Variants in ACOT6 observed in about 807,000 individuals in gnomAD.
The protein encoded by ACOT6 is acyl-coenzyme A thioesterase 6.
ACOT6 carries 14 observed loss-of-function variants against 12.3 expected under a neutral mutation model. That is an observed-to-expected ratio of 1.14 (90% CI 0.75 to 1.78). The LOEUF (loss-of-function observed/expected upper bound fraction) is 1.78, where lower values mean the gene tolerates loss of function less well. Ranked by LOEUF, ACOT6 falls within the 40% of genes most tolerant of loss-of-function variation. The probability of loss-of-function intolerance (pLI) is 0.00; values close to 1 mark genes in which losing one functional copy is unlikely to be tolerated. For missense variants in ACOT6, 523 were observed against 551.8 expected (o/e 0.95, Z 0.52); for synonymous variants, 218 against 231.3 (o/e 0.94, Z 0.52).
At chr14:73,615,807 T>C (rs1034593513) in intron 1 of ACOT6, among the ~76,000 whole-genome samples, 1 of 151,992 alleles carries the variant, frequency 6.6e-6, no homozygotes, top group African/African-American at 2.4e-5. Context: ...ATCCCAGCAC[T>C]TGAAGAGGCC....
In ACOT6 at chr14:73,612,856, G is replaced by T; in HGVS notation, c.285G>T (p.Lys95Asn). 7.1e-7 allele frequency: 1 copy of T among 1,410,300 alleles called. No individual in the cohort carries two copies. 87.4% of individuals were successfully genotyped at this position (1,410,300 alleles called of 1,614,324 possible). A position where few individuals can be genotyped will look rare whatever the true frequency, so the allele number is the denominator to read the frequency against. ...AGAAAGCCTTGGTGCGGCTGGTGAA[G>T]CGCGACGTGCGGACGCCCTTCGCCG... ...EPEKALVRLV[K>N]RDVRTPFAVE... Residue 95 changes from lysine (K) to asparagine (N), a missense_variant, in exon 1 of 3, where the codon AAG becomes AAT. Around this residue, in one of 2 missense-constraint regions of ACOT6, gnomAD observed 304 missense variants for 274.8 expected, o/e 1.11. Transcript: ENST00000645972.
intron 2 of ACOT6, 142 bp downstream of exon 2, chr14:73,617,334 G>C (rs1480320819): frequency 1.4e-5 from 16 of 1,181,288 alleles, no homozygotes; most frequent in Non-Finnish European, 1.7e-5. Context: ...TAGGGTGGAA[G>C]CTGGGCATGG....
chr14:73,612,834 A>G lies in ACOT6; in HGVS notation c.263A>G (p.Lys88Arg), dbSNP rs1345583330. The G allele has an allele frequency of 2.1e-6, 3 of 1,425,546 alleles. No homozygotes were observed. The highest frequency in any genetic ancestry group is 2.5e-5 in the Admixed American group (1 of 40,694). 88.3% of individuals were successfully genotyped at this position (1,425,546 alleles called of 1,614,324 possible). The change falls in exon 1 of 3, where the codon AAA (lysine) becomes AGA (arginine). Residue 88 changes from lysine (K) to arginine (R), a missense_variant. Lys to Arg is a conservative substitution (Grantham distance 26, BLOSUM62 2). Transcript: ENST00000645972. Reference sequence around the variant, plus strand: ...CTGCTGTGGGCGTTGGAGCCCGAGAAAGCCTTGGTGCGGCTGGTGAAGCGC... The same window carrying G: ...CTGCTGTGGGCGTTGGAGCCCGAGAGAGCCTTGGTGCGGCTGGTGAAGCGC... ...MGLLWALEPE[K>R]ALVRLVKRDV...
At chr14:73,617,805 G>A (rs1426443850) in intron 2 of ACOT6, among the ~76,000 whole-genome samples, 1 of 152,128 alleles carries the variant, frequency 6.6e-6, no homozygotes, top group African/African-American at 2.4e-5. Flanking sequence ...TGGTATTATG[G>A]TTTTGTAAAG....
chr14:73,611,786 G>A (rs556787910), upstream of ACOT6, among the ~76,000 whole-genome samples: 1 of 152,202 alleles, frequency 6.6e-6, no homozygotes, highest in East Asian at 1.9e-4. Flanking sequence ...ACCAGAACTC[G>A]GCTAGGTCTG....
upstream of ACOT6, chr14:73,611,438 G>C (rs1566869534): frequency 6.6e-6 from 1 of 152,192 alleles, no homozygotes; most frequent in Non-Finnish European, 1.5e-5. Context: ...ACCGAATCTT[G>C]TTTCATTGTT....
At position 73,612,800 on chromosome 14, in the gene ACOT6, CCCATGGGGCTGCTGT is replaced by C; in HGVS notation, c.230_244del (p.Pro77_Trp82delinsArg). ...GGGAGGCAGCTTCGCGGGGCTCCAG[CCCATGGGGCTGCTGT>C]GGGCGTTGGAGCCCGAGAAAGCCTT... On this transcript the variant is annotated inframe_deletion, in exon 1 of 3. Transcript: ENST00000645972. 1 of 1,396,490 alleles carries C rather than the reference CCCATGGGGCTGCTGT, an allele frequency of 7.2e-7. No individual in the cohort carries two copies. The highest frequency in any genetic ancestry group is 9.3e-7 in the Non-Finnish European group (1 of 1,071,908). 86.5% of individuals were successfully genotyped at this position (1,396,490 alleles called of 1,614,324 possible). A position where few individuals can be genotyped will look rare whatever the true frequency, so the allele number is the denominator to read the frequency against.
intron 1 of ACOT6, among the ~76,000 whole-genome samples, chr14:73,613,244 C>T (rs1360746112): frequency 6.6e-6 from 1 of 152,168 alleles, no homozygotes; most frequent in East Asian, 1.9e-4. Context: ...GGCTCAAGTC[C>T]TCTCGCCTCA....
intron 1 of ACOT6, among the ~76,000 whole-genome samples, chr14:73,615,274 C>T (rs1890514777): frequency 6.8e-6 from 1 of 146,674 alleles, no homozygotes; most frequent in Non-Finnish European, 1.5e-5. Flanking sequence ...GTAATCCCAG[C>T]TACTCAGGAG....
At chr14:73,616,718 T>A in intron 1 of ACOT6, 1 of 273,546 alleles carries the variant, frequency 3.7e-6, no homozygotes, top group Non-Finnish European at 6.7e-6. Context: ...TTAATTTCAA[T>A]ACCTTTTGGT....
rs1233692958 is a variant in ACOT6 at position 73,617,077 on chromosome 14, GT to G, written c.549del (p.Phe183LeufsTer18). ...AGGGCCAGCCTCCTGGCCGGACATG[GT>G]TTTGCTGTGCTTGCCCTGGCTTATT... Reference protein sequence around the residue: ...EYRASLLAGHGFAVLALAYFR... With the variant: ...EYRASLLAGHXFAVLALAYFR... On this transcript the variant is annotated frameshift_variant, in exon 2 of 3. Coordinates refer to ENST00000645972, the MANE Select transcript of ACOT6 (RefSeq NM_001365788.1). LOFTEE classifies it high-confidence loss of function. 6.4e-5 allele frequency: 95 copies of G among 1,486,686 alleles called. No individual in the cohort carries two copies. Among genetic ancestry groups the G allele is most frequent in the Admixed American group, 8.4e-5 (5 of 59,762 alleles). The allele number at this position is 1,486,686 out of a possible 1,614,324, so 92.1% of individuals were successfully genotyped here.
rs1488930891 is a variant in ACOT6 at position 73,612,806 on chromosome 14, G to T, written c.235G>T (p.Gly79Trp). ...CAGCTTCGCGGGGCTCCAGCCCATG[G>T]GGCTGCTGTGGGCGTTGGAGCCCGA... ...GGSFAGLQPM[G>W]LLWALEPEKA... The change falls in exon 1 of 3, where the codon GGG becomes TGG. Residue 79 changes from glycine (G) to tryptophan (W), a missense_variant. By Grantham distance (184) the Gly-to-Trp change is radical. Coordinates refer to ENST00000645972, the MANE Select transcript of ACOT6 (RefSeq NM_001365788.1). The T allele has an allele frequency of 2.5e-5, 35 of 1,415,664 alleles. No homozygotes were observed. The highest frequency in any genetic ancestry group is 3.2e-5 in the Non-Finnish European group (34 of 1,076,102). The allele number at this position is 1,415,664 out of a possible 1,614,324, so 87.7% of individuals were successfully genotyped here.
chr14:73,615,388 T>TTAAA (rs1890516868), intron 1 of ACOT6, among the ~76,000 whole-genome samples: 1 of 63,338 alleles, frequency 1.6e-5, no homozygotes, highest in African/African-American at 1.0e-4. Context: ...CTCTGTCTGA[T>TTAAA]AAAAAAAAAA....
At chr14:73,615,025 G>A (rs891333909) in intron 1 of ACOT6, among the ~76,000 whole-genome samples, 7 of 148,206 alleles carry the variant, frequency 4.7e-5, no homozygotes, top group African/African-American at 1.3e-4. Flanking sequence ...GGGGGCAGAG[G>A]TTGCAGTGAG....
Position 73,612,659 on chromosome 14 carries a change from C to T in ACOT6, c.88C>T (p.Gln30Ter), listed in dbSNP as rs1890465822. 7.1e-7 allele frequency: 1 copy of T among 1,410,610 alleles called. No homozygotes were observed. The highest frequency in any genetic ancestry group is 1.5e-5 in the African/African-American group (1 of 66,786). The allele number at this position is 1,410,610 out of a possible 1,614,324, so 87.4% of individuals were successfully genotyped here. A position where few individuals can be genotyped will look rare whatever the true frequency, so the allele number is the denominator to read the frequency against. ...RIAVRGLAPE[Q>*]PVTLRTSLRD... ...CGCAGTGCGCGGCCTGGCCCCGGAG[C>T]AGCCAGTCACGCTGCGCACGTCCCT... The change falls in exon 1 of 3, where the codon CAG (glutamine) becomes TAG (stop). Residue 30 changes from glutamine to a stop codon, truncating the protein, a stop_gained. Coordinates refer to ENST00000645972, the MANE Select transcript of ACOT6 (RefSeq NM_001365788.1). LOFTEE classifies it high-confidence loss of function.
chr14:73,613,104 T>C lies in ACOT6; in HGVS notation c.461+72T>C, dbSNP rs186039666. The stretch of plus-strand genomic sequence containing the variant: ...CTTTCCTGTCCTGGGAATCGCGTGA[T>C]TGTGGAACATCCCTGAACTTGTTCC... On this transcript the variant is annotated intron_variant, in intron 1 of 2. Coordinates refer to ENST00000645972, the MANE Select transcript of ACOT6 (RefSeq NM_001365788.1). 366 of 527,850 alleles carry C rather than the reference T, an allele frequency of 6.9e-4. No individual in the cohort carries two copies. The African/African-American group carries it at 7.0e-3, about 10-fold the overall frequency. The allele number at this position is 527,850 out of a possible 1,614,324, so 32.7% of individuals were successfully genotyped here.
At chr14:73,616,270 A>G (rs1296601693) in intron 1 of ACOT6, among the ~76,000 whole-genome samples, 1 of 151,892 alleles carries the variant, frequency 6.6e-6, no homozygotes, top group Non-Finnish European at 1.5e-5. Flanking sequence ...ACCTGGCCTC[A>G]TTATGTTATT....
chr14:73,617,063 C>T lies in ACOT6; in HGVS notation c.531C>T (p.Leu177=). 7.3e-7 allele frequency: 1 copy of T among 1,365,230 alleles called. No individual in the cohort carries two copies. Among genetic ancestry groups the T allele is most frequent in the South Asian group, 1.2e-5 (1 of 85,282 alleles). The allele number at this position is 1,365,230 out of a possible 1,614,324, so 84.6% of individuals were successfully genotyped here. A position where few individuals can be genotyped will look rare whatever the true frequency, so the allele number is the denominator to read the frequency against. Residue 177 remains leucine, a synonymous_variant, in exon 2 of 3, where the codon CTC becomes CTT. Transcript: ENST00000645972. ...GCCTTTGTGAATACAGGGCCAGCCT[C>T]CTGGCCGGACATGGTTTTGCTGTGC... The part of the protein sequence containing the change: ...SRGLCEYRAS[L]LAGHGFAVLA...
At position 73,612,951 on chromosome 14, in the gene ACOT6, G is replaced by T; in HGVS notation, c.380G>T (p.Arg127Leu). 1 of 1,267,870 alleles carries T rather than the reference G, an allele frequency of 7.9e-7. No individual in the cohort carries two copies. Among genetic ancestry groups the T allele is most frequent in the Non-Finnish European group, 1.0e-6 (1 of 955,734 alleles). The allele number at this position is 1,267,870 out of a possible 1,614,324, so 78.5% of individuals were successfully genotyped here. The change falls in exon 1 of 3, where the codon CGC (arginine) becomes CTC (leucine). Residue 127 changes from arginine (R) to leucine (L), a missense_variant. By Grantham distance (102) the Arg-to-Leu change is moderately radical. Around this residue, in one of 2 missense-constraint regions of ACOT6, gnomAD observed 304 missense variants for 274.8 expected, o/e 1.11. Coordinates refer to ENST00000645972, the MANE Select transcript of ACOT6 (RefSeq NM_001365788.1). The stretch of plus-strand genomic sequence containing the variant: ...CTGCTGTGCCTGGCGCAGAACAAGC[G>T]CGACTTTCTCCGGCCGGGGGTGCGG... The part of the protein sequence containing the change: ...GRLLCLAQNK[R>L]DFLRPGVRRE...
Sources: allele counts gnomAD v4.1 joint callset (sites outside exome capture counted in the v4.1 genomes callset), GRCh38; gene constraint gnomAD v4.1.1; regional missense constraint gnomAD v4.1.1; transcripts MANE v1.5; gene names NCBI Gene and HGNC (gene_info 2026-07-23, HGNC 2026-07-21).